Variants in DPH6 observed in about 807,000 individuals in gnomAD.
The protein encoded by DPH6 is diphthine--ammonia ligase.
In DPH6, 33 loss-of-function variants were observed where a neutral mutation model predicts 38.2. That is an observed-to-expected ratio of 0.86 (90% confidence interval 0.65 to 1.15). The LOEUF is 1.15. Among genes scored for constraint, DPH6 ranks in the 50% most tolerant of loss-of-function variants. DPH6 has a pLI of 0.00. For missense variants in DPH6, 325 were observed against 320.0 expected (o/e 1.02, Z -0.12); for synonymous variants, 108 against 103.0 (o/e 1.05, Z -0.30).
chr15:35,180,392 AACACACACACACACACACACACACACAC>A, the DPH6 span, among the ~76,000 whole-genome samples: 4 of 140,596 alleles, frequency 2.8e-5, no homozygotes, highest in Non-Finnish European at 6.2e-5. Flanking sequence ...TTGGTTTTAA[AACACACACACACACACACACACACACAC>A]ACACACACAC....
At chr15:35,352,190 T>C (rs2052518557) in intron 3 of DPH6, among the ~76,000 whole-genome samples, 1 of 152,366 alleles carries the variant, frequency 6.6e-6, no homozygotes, top group South Asian at 2.1e-4. Flanking sequence ...CTACAATTTA[T>C]ATTTTCATAT....
intron 3 of DPH6, among the ~76,000 whole-genome samples, chr15:35,478,721 A>G (rs2054292556): frequency 6.6e-6 from 1 of 151,952 alleles, no homozygotes; most frequent in South Asian, 2.1e-4. Context: ...TTAACCTGCA[A>G]CAATGAGCAC....
intron 5 of DPH6, among the ~76,000 whole-genome samples, chr15:35,437,728 T>G (rs2053735809): frequency 6.6e-6 from 1 of 152,184 alleles, no homozygotes; most frequent in Admixed American, 6.5e-5. Flanking sequence ...ACAGGCCTGT[T>G]GTTCAACCCA....
chr15:35,397,737 T>C (rs1186457624), intron 6 of DPH6, among the ~76,000 whole-genome samples: 2 of 152,122 alleles, frequency 1.3e-5, no homozygotes, highest in Non-Finnish European at 2.9e-5. Context: ...CTACTGCTTC[T>C]CTTCTACCCT....
chr15:35,352,081 GACT>G (rs1392842159), intron 3 of DPH6, among the ~76,000 whole-genome samples: 1 of 152,050 alleles, frequency 6.6e-6, no homozygotes, highest in Non-Finnish European at 1.5e-5. Flanking sequence ...CAGTTATTCT[GACT>G]ACTTCTGTTT....
At chr15:35,423,530 A>C (rs1169571631) in intron 5 of DPH6, among the ~76,000 whole-genome samples, 1 of 151,574 alleles carries the variant, frequency 6.6e-6, no homozygotes, top group African/African-American at 2.4e-5. Flanking sequence ...TGCTGTGCAG[A>C]AGCTTTTTAG....
intron 3 of DPH6, among the ~76,000 whole-genome samples, chr15:35,290,661 C>T (rs867189208): frequency 4.6e-5 from 7 of 152,186 alleles, no homozygotes; most frequent in Middle Eastern, 3.2e-3. Context: ...TAGTCTGTCT[C>T]ATTTCGAACA....
At position 35,242,137 on chromosome 15, in the gene DPH6, CA is replaced by C. The variant is rs1454824760; in HGVS notation, n.201-21556del. 5.5e-5 allele frequency among the ~76,000 whole-genome samples: 8 copies of C among 144,714 alleles called. 1 individual carries two copies. Among genetic ancestry groups the C allele is most frequent in the Non-Finnish European group, 7.6e-5 (5 of 65,766 alleles). The allele number at this position is 144,714 out of a possible 152,430, so 94.9% of individuals were successfully genotyped here. Reference sequence around the variant, plus strand: ...GCAAATTACCTGGGCTGTACCGCCGCAAAGCTTCACAGACAGCCCCCATTAC... The same window carrying C: ...GCAAATTACCTGGGCTGTACCGCCGCAAGCTTCACAGACAGCCCCCATTAC... On this transcript the variant is annotated intron_variant and non_coding_transcript_variant, in intron 3 of 3. Coordinates refer to the DPH6 transcript ENST00000560386.
intron 3 of DPH6, among the ~76,000 whole-genome samples, chr15:35,265,417 G>C (rs1799995675): frequency 1.3e-5 from 2 of 152,168 alleles, no homozygotes; most frequent in Admixed American, 1.3e-4. Context: ...AGTGTAGCCA[G>C]ACTGAACTGA....
At chr15:35,531,706 T>C (rs2055089814) in intron 3 of DPH6, among the ~76,000 whole-genome samples, 1 of 152,082 alleles carries the variant, frequency 6.6e-6, no homozygotes. Flanking sequence ...CTCCTGAAAG[T>C]GGTCTGCCCG....
At chr15:35,410,122 T>A (rs944679356) in intron 6 of DPH6, among the ~76,000 whole-genome samples, 4 of 151,818 alleles carry the variant, frequency 2.6e-5, no homozygotes, top group African/African-American at 9.7e-5. Context: ...ATTAAGAGCA[T>A]GGGACAAGAA....
intron 3 of DPH6, among the ~76,000 whole-genome samples, chr15:35,358,549 T>C (rs2052587252): frequency 6.6e-6 from 1 of 152,192 alleles, no homozygotes; most frequent in Non-Finnish European, 1.5e-5. Flanking sequence ...AAGGCTGTTG[T>C]TCAGATTCTT....
intron 3 of DPH6, among the ~76,000 whole-genome samples, chr15:35,337,248 T>A (rs1216426161): frequency 6.6e-6 from 1 of 152,242 alleles, no homozygotes; most frequent in African/African-American, 2.4e-5. Context: ...GTGTTTGTAG[T>A]ATTCTCTGAT....
the DPH6 span, among the ~76,000 whole-genome samples, chr15:35,153,715 AAGAC>A: frequency 1.3e-5 from 2 of 152,154 alleles, no homozygotes; most frequent in Non-Finnish European, 2.9e-5. Context: ...GAAAGAGAGA[AAGAC>A]AGAGAGAGAG....
At chr15:35,425,586 C>T (rs941762599) in intron 5 of DPH6, among the ~76,000 whole-genome samples, 3 of 150,572 alleles carry the variant, frequency 2.0e-5, no homozygotes, top group Non-Finnish European at 4.5e-5. Flanking sequence ...TATTTCTTGG[C>T]AGGTAATATA....
chr15:35,514,952 A>G (rs1370187970), intron 3 of DPH6, among the ~76,000 whole-genome samples: 3 of 152,200 alleles, frequency 2.0e-5, no homozygotes, highest in Non-Finnish European at 2.9e-5. Flanking sequence ...AATGTGGAAT[A>G]TTTTTAGAAA....
chr15:35,234,087 G>A (rs2140394822), intron 3 of DPH6, among the ~76,000 whole-genome samples: 1 of 152,272 alleles, frequency 6.6e-6, no homozygotes, highest in East Asian at 1.9e-4. Context: ...ATTTAGAAAA[G>A]TACCTGGTAT....
At chr15:35,148,671 T>A in the DPH6 span, among the ~76,000 whole-genome samples, 1 of 152,194 alleles carries the variant, frequency 6.6e-6, no homozygotes, top group Non-Finnish European at 1.5e-5. Flanking sequence ...CCCGGAGGCA[T>A]ATATATTCCT....
chr15:35,483,184 G>A (rs150139425), intron 3 of DPH6, among the ~76,000 whole-genome samples: 70 of 152,078 alleles, frequency 4.6e-4, no homozygotes, highest in African/African-American at 1.6e-3. Context: ...CCACAATGAG[G>A]CTTGGGTGCG....
Sources: gnomAD v4.1 joint callset for allele counts (sites outside exome capture counted in the v4.1 genomes callset) on GRCh38, gnomAD v4.1.1 for gene constraint, MANE v1.5 for transcripts, NCBI Gene and HGNC (gene_info 2026-07-23, HGNC 2026-07-21) for gene names.